The following METTL16 variants were observed in gnomAD, a reference collection of about 807,000 sequenced individuals.
The protein encoded by METTL16 is methyltransferase 16, RNA N6-adenosine.
Under a neutral mutation model 57.9 loss-of-function variants are expected in METTL16, and 19 were observed. The observed-to-expected ratio is 0.33, with a 90% CI of 0.23 to 0.48. The LOEUF (loss-of-function observed/expected upper bound fraction) is 0.48, where lower values mean the gene tolerates loss of function less well. Among genes scored for constraint, METTL16 ranks in the 20% least tolerant of loss-of-function variants. The pLI, the probability that METTL16 is intolerant of heterozygous loss-of-function variation, is 0.99. For synonymous variants in METTL16, 246 were observed against 255.6 expected, an observed-to-expected ratio of 0.96 and a Z score of 0.36; for missense variants, 434 against 691.5, an observed-to-expected ratio of 0.63 and a Z score of 4.18.
chr17:2,454,563 A>ATTTTT (rs5818860), intron 6 of METTL16, among the ~76,000 whole-genome samples: 7 of 126,248 alleles, frequency 5.5e-5, no homozygotes, highest in Non-Finnish European at 9.8e-5. Context: ...TATTATTATT[A>ATTTTT]TTTTTTTTTT....
intron 6 of METTL16, among the ~76,000 whole-genome samples, chr17:2,461,661 C>G (rs2067151071): frequency 6.7e-6 from 1 of 149,338 alleles, no homozygotes; most frequent in African/African-American, 2.5e-5. Flanking sequence ...ACTGCAACCT[C>G]TGCCTCCCAG....
At chr17:2,439,886 C>A (rs2066934549) in intron 7 of METTL16, among the ~76,000 whole-genome samples, 1 of 152,106 alleles carries the variant, frequency 6.6e-6, no homozygotes, top group African/African-American at 2.4e-5. Flanking sequence ...ATACTCAAAA[C>A]TACCATCAGA....
intron 6 of METTL16, among the ~76,000 whole-genome samples, chr17:2,443,283 A>G (rs759988207): frequency 4.6e-5 from 7 of 152,206 alleles, no homozygotes; most frequent in Admixed American, 2.0e-4. Flanking sequence ...AGAGAAATAG[A>G]TAACTTGAAT....
chr17:2,437,479 G>A lies in METTL16; in HGVS notation c.888+630C>T, dbSNP rs76122677. ...CAATTCTTGAGGAATGTCCACCAGCGTAATTATATCTGCAAAATGTTTCTA... is the reference window on the plus strand; with the variant it reads ...CAATTCTTGAGGAATGTCCACCAGCATAATTATATCTGCAAAATGTTTCTA... On this transcript the variant is annotated intron_variant, in intron 8 of 9. Transcript: ENST00000263092. Among the ~76,000 whole-genome samples, 233 of 152,274 alleles carry A rather than the reference G, an allele frequency of 1.5e-3. 1 individual carries two copies. The highest frequency in any genetic ancestry group is 5.3e-3 in the African/African-American group (221 of 41,544).
rs781176873 is a variant in METTL16, at chr17:2,419,946, C to T, written c.*24G>A. On this transcript the variant is annotated 3_prime_UTR_variant, in exon 10 of 10. Coordinates refer to ENST00000263092, the MANE Select transcript of METTL16 (RefSeq NM_024086.4). Reference sequence around the variant, plus strand: ...ACTCCAAAGCAAGTTACTATCAACACGTTTCCAACTGTGCAGGAGGTTTCT... The same window carrying T: ...ACTCCAAAGCAAGTTACTATCAACATGTTTCCAACTGTGCAGGAGGTTTCT... 5.2e-5 allele frequency: 84 copies of T among 1,611,078 alleles called. No homozygotes were observed. In the Middle Eastern group the frequency reaches 6.6e-4, roughly 13 times the overall value.
chr17:2,448,781 T>TAAAAAAAAAAAAAAAA (rs1369462081), intron 6 of METTL16, among the ~76,000 whole-genome samples: 3 of 33,694 alleles, frequency 8.9e-5, no homozygotes, highest in Non-Finnish European at 1.3e-4. Flanking sequence ...AATAAAAAAA[T>TAAAAAAAAAAAAAAAA]AAAAAAATAA....
chr17:2,440,970 C>CAAAAAAAA (rs760521188), intron 7 of METTL16, among the ~76,000 whole-genome samples: 21 of 34,024 alleles, frequency 6.2e-4, no homozygotes, highest in Non-Finnish European at 1.1e-3. Context: ...GACTTGATCT[C>CAAAAAAAA]AAAAAAAAAA....
At chr17:2,509,071 C>A (rs2067568098) in intron 1 of METTL16, among the ~76,000 whole-genome samples, 1 of 151,892 alleles carries the variant, frequency 6.6e-6, no homozygotes, top group Admixed American at 6.6e-5. Flanking sequence ...CAATCAGATG[C>A]CCATCTACAC....
intron 2 of METTL16, among the ~76,000 whole-genome samples, chr17:2,497,305 CTTTTTTTTTTTT>C (rs781130501): frequency 3.1e-5 from 2 of 63,786 alleles, no homozygotes; most frequent in African/African-American, 1.4e-4. Context: ...TGCACCCGGC[CTTTTTTTTTTTT>C]TTTTTTTTTT....
intron 6 of METTL16, among the ~76,000 whole-genome samples, chr17:2,445,917 G>T (rs1405491531): frequency 6.6e-6 from 1 of 151,760 alleles, no homozygotes; most frequent in Middle Eastern, 3.4e-3. Flanking sequence ...TATAACCAAG[G>T]GGCATTTACT....
At chr17:2,472,860 G>C (rs1366818873) in intron 4 of METTL16, among the ~76,000 whole-genome samples, 2 of 152,172 alleles carry the variant, frequency 1.3e-5, no homozygotes, top group Non-Finnish European at 2.9e-5. Flanking sequence ...GAGATGGACA[G>C]TTGAGGCACA....
At chr17:2,457,348 A>T (rs1597453477) in intron 6 of METTL16, among the ~76,000 whole-genome samples, 1 of 150,444 alleles carries the variant, frequency 6.6e-6, no homozygotes, top group Non-Finnish European at 1.5e-5. Flanking sequence ...AAAAAAAAAA[A>T]AAAAAAAAAA....
chr17:2,420,775 C>T lies in METTL16; in HGVS notation c.1018G>A (p.Val340Ile), dbSNP rs747231057. 4.3e-6 allele frequency: 7 copies of T among 1,614,070 alleles called. No individual in the cohort carries two copies. The African/African-American group carries it at 9.3e-5, about 22-fold the overall frequency. ...TTTTCAATCCATGTCGTGACAACGACTATGCCTTCCGCCGTCTCCGAGCGC... is the reference window on the plus strand; with the variant it reads ...TTTTCAATCCATGTCGTGACAACGATTATGCCTTCCGCCGTCTCCGAGCGC... ...PLRSETAEGI[V>I]VVTTWIEKIL... Residue 340 changes from valine (V) to isoleucine (I), a missense_variant, in exon 9 of 10, where the codon GTC becomes ATC. Val to Ile is a conservative substitution (Grantham distance 29, BLOSUM62 3). Transcript: ENST00000263092. The surrounding 1 kb of genome is among the most constrained non-coding windows in gnomAD (Gnocchi z 5.4).
chr17:2,438,989 GA>G (rs2066928020), intron 7 of METTL16, among the ~76,000 whole-genome samples: 4 of 152,324 alleles, frequency 2.6e-5, no homozygotes, highest in African/African-American at 9.6e-5. Context: ...CCAGAGACCA[GA>G]AACTCTGCTC....
chr17:2,467,948 T>TA (rs1189870196), intron 4 of METTL16, 72 bp from the exon 5 acceptor site: 15 of 1,013,852 alleles, frequency 1.5e-5, no homozygotes, highest in Non-Finnish European at 2.3e-5. Flanking sequence ...GCGCACTGCG[T>TA]AATGATTCTT....
At chr17:2,472,086 C>T (rs1172739731) in intron 4 of METTL16, among the ~76,000 whole-genome samples, 1 of 151,226 alleles carries the variant, frequency 6.6e-6, no homozygotes, top group Non-Finnish European at 1.5e-5. Flanking sequence ...TGCATTCCAG[C>T]CTGGGGAACA....
chr17:2,470,276 A>T (rs2067227096), intron 4 of METTL16, among the ~76,000 whole-genome samples: 1 of 151,578 alleles, frequency 6.6e-6, no homozygotes, highest in African/African-American at 2.4e-5. Context: ...TTTAAACAGC[A>T]AAATCACCAA....
chr17:2,461,322 GTGCA>G (rs1252370459), intron 6 of METTL16, among the ~76,000 whole-genome samples: 9 of 152,088 alleles, frequency 5.9e-5, no homozygotes, highest in East Asian at 3.9e-4. Context: ...CATCACCCTA[GTGCA>G]TGCACTCCAG....
Position 2,416,933 on chromosome 17 carries a change from A to G in METTL16, c.*3037T>C, listed in dbSNP as rs1184163218. The G allele has an allele frequency of 6.6e-6, 1 of 152,418 alleles. No individual in the cohort carries two copies. Among genetic ancestry groups the G allele is most frequent in the Admixed American group, 6.5e-5 (1 of 15,282 alleles). The allele number at this position is 152,418 out of a possible 1,614,324, so 9.4% of individuals were successfully genotyped here. A position where few individuals can be genotyped will look rare whatever the true frequency, so the allele number is the denominator to read the frequency against. On this transcript the variant is annotated 3_prime_UTR_variant, in exon 10 of 10. Coordinates refer to ENST00000263092, the MANE Select transcript of METTL16 (RefSeq NM_024086.4). Reference sequence around the variant, plus strand: ...CCAAAACAATGCTTAGATGTCCTTTAAAAATATTTTCAATGTTCTCTCACT... The same window carrying G: ...CCAAAACAATGCTTAGATGTCCTTTGAAAATATTTTCAATGTTCTCTCACT...
Sources: gnomAD v4.1 joint callset for allele counts (sites outside exome capture counted in the v4.1 genomes callset) on GRCh38, gnomAD v4.1.1 for gene constraint, Gnocchi (gnomAD v3.1) non-coding constraint, MANE v1.5 for transcripts, NCBI Gene and HGNC (gene_info 2026-07-23, HGNC 2026-07-21) for gene names.